Variants in TOMT observed in about 807,000 individuals in gnomAD.
The protein encoded by TOMT is transmembrane O-methyltransferase.
A neutral mutation model predicts 21.7 loss-of-function variants in TOMT; 23 were observed. That is an observed-to-expected ratio of 1.06 (90% CI 0.76 to 1.50). The LOEUF (loss-of-function observed/expected upper bound fraction) is 1.50, where lower values mean the gene tolerates loss of function less well. Ranked by LOEUF, TOMT falls within the 40% of genes most tolerant of loss-of-function variation. The probability of loss-of-function intolerance (pLI) is 0.00; values close to 1 mark genes in which losing one functional copy is unlikely to be tolerated. For missense variants in TOMT, 331 were observed against 348.7 expected (o/e 0.95, Z 0.41); for synonymous variants, 132 against 150.8 (o/e 0.88, Z 0.91).
At chr11:72,107,652 T>G (rs1945816325) in intron 1 of TOMT, 1 of 620,964 alleles carries the variant, frequency 1.6e-6, no homozygotes, top group Non-Finnish European at 2.9e-6. Flanking sequence ...AATGCCAGGC[T>G]GAGAATCCCA....
At chr11:72,107,095 C>T in intron 1 of TOMT, 1 of 278,176 alleles carries the variant, frequency 3.6e-6, no homozygotes, top group Admixed American at 5.4e-5. Context: ...GCAAGACCCC[C>T]GTTTCTACAA....
chr11:72,106,455 G>C (rs547157797), intron 1 of TOMT: 6 of 405,150 alleles, frequency 1.5e-5, no homozygotes, highest in African/African-American at 1.2e-4. Context: ...CCACAGAGAT[G>C]AATGAGCCAC....
At chr11:72,108,963 ACC>A in exon 3 of TOMT, 1 of 1,290,744 alleles carries the variant, frequency 7.7e-7, no homozygotes, top group Non-Finnish European at 9.9e-7. Context: ...GCCCACCCCC[ACC>A]CCCACCCAAG....
At chr11:72,108,539 T>C (rs893886104) in intron 2 of TOMT, 66 bp from the exon 3 acceptor site, 10 of 1,378,390 alleles carry the variant, frequency 7.3e-6, no homozygotes, top group African/African-American at 2.9e-5. Flanking sequence ...AGCCAGATCC[T>C]GGTGGGGTCT....
chr11:72,108,010 T>C (rs976844118), exon 2 of TOMT: 5 of 1,551,732 alleles, frequency 3.2e-6, no homozygotes, highest in South Asian at 2.4e-5. Context: ...ACCCTGCTTA[T>C]TGCCCGAGCC....
chr11:72,106,020 C>T (rs2135186535), exon 1 of TOMT: 1 of 1,551,184 alleles, frequency 6.4e-7, no homozygotes, highest in Non-Finnish European at 8.7e-7. Flanking sequence ...ACCGGCACTA[C>T]TTCCGATTGC....
chr11:72,108,531 C>T (rs919030245), intron 2 of TOMT, 74 bp from the exon 3 acceptor site: 2 of 1,349,960 alleles, frequency 1.5e-6, no homozygotes, highest in African/African-American at 1.5e-5. Flanking sequence ...ATGAAGTAAG[C>T]CAGATCCTGG....
In TOMT at chr11:72,106,093, C is replaced by T. The variant is rs889250759; in HGVS notation, c.142C>T (p.Arg48Trp). Residue 48 changes from arginine to tryptophan, a missense_variant, in exon 1 of 3, where the codon CGG becomes TGG. Transcript: ENST00000541899. ...CCTGTCAGGGCTGCGGATCGAGGAG[C>T]GGGCCTTCAGCTACGTGCTCACCCA... 10 of 1,549,368 alleles carry T rather than the reference C, an allele frequency of 6.5e-6. No homozygotes were observed. The South Asian group carries it at 7.1e-5, about 11-fold the overall frequency.
exon 3 of TOMT, chr11:72,108,624 G>A: frequency 1.3e-6 from 2 of 1,485,712 alleles, no homozygotes; most frequent in African/African-American, 1.4e-5. Context: ...ATCGTGGGCA[G>A]CTCAGAGGAC....
Position 72,107,358 on chromosome 11 carries a change from A to G in TOMT, c.260-565A>G, listed in dbSNP as rs1591190109. The G allele has an allele frequency of 1.8e-5, 12 of 655,446 alleles. No individual in the cohort carries two copies. The East Asian group carries it at 3.3e-4, about 18-fold the overall frequency. The allele number at this position is 655,446 out of a possible 1,614,324, so 40.6% of individuals were successfully genotyped here. A position where few individuals can be genotyped will look rare whatever the true frequency, so the allele number is the denominator to read the frequency against. On this transcript the variant is annotated intron_variant, in intron 1 of 2. Transcript: ENST00000541899. ...GGAATGAAACTACAAATTCTAACAG[A>G]GACCTTTCATAAATCTGAAAGATAG...
At chr11:72,107,933 G>A in exon 2 of TOMT, 1 of 1,551,782 alleles carries the variant, frequency 6.4e-7, no homozygotes, top group Non-Finnish European at 8.7e-7. Context: ...GTCAGATCCT[G>A]ATGCGGCTGG....
intron 1 of TOMT, chr11:72,107,194 G>T: frequency 2.0e-6 from 1 of 498,398 alleles, no homozygotes; most frequent in Non-Finnish European, 3.5e-6. Flanking sequence ...CTGAGCCTGG[G>T]TGGTCAAGGC....
In TOMT at chr11:72,109,057, C is replaced by T. The variant is rs1946055040; in HGVS notation, c.*132C>T. 54 of 762,194 alleles carry T rather than the reference C, an allele frequency of 7.1e-5. 2 individuals carry two copies. In the Middle Eastern group the frequency reaches 1.5e-3, roughly 21 times the overall value. 47.2% of individuals were successfully genotyped at this position (762,194 alleles called of 1,614,324 possible). On this transcript the variant is annotated 3_prime_UTR_variant, in exon 3 of 3. Transcript: ENST00000541899. ...CAGGGCTAGGGAGTCTCTCTTCCCA[C>T]CTCTGACCTCTTTCAGCCTCTACAC... is the stretch of plus-strand genomic sequence containing the variant.
At chr11:72,107,845 T>C (rs1591191577) in intron 1 of TOMT, 78 bp from the exon 2 acceptor site, 4 of 1,487,532 alleles carry the variant, frequency 2.7e-6, no homozygotes, top group Non-Finnish European at 1.8e-6. Flanking sequence ...GTGAGGCAGG[T>C]AGGCATTTGA....
intron 1 of TOMT, chr11:72,107,508 T>C: frequency 2.8e-6 from 2 of 702,982 alleles, no homozygotes; most frequent in Non-Finnish European, 5.2e-6. Flanking sequence ...CATATACACA[T>C]GTGGCATGAA....
exon 1 of TOMT, chr11:72,105,951 C>A: frequency 1.9e-6 from 3 of 1,547,954 alleles, no homozygotes; most frequent in Non-Finnish European, 1.7e-6. Flanking sequence ...AGGTAGGGAC[C>A]ATGTCCCCTG....
intron 1 of TOMT, chr11:72,107,009 TA>T (rs796531743): frequency 1.4e-4 from 23 of 170,182 alleles, no homozygotes; most frequent in African/African-American, 5.3e-4. Flanking sequence ...CTCATGCCTG[TA>T]ATCCCAGCAC....
exon 2 of TOMT, chr11:72,108,046 C>G: frequency 6.4e-7 from 1 of 1,551,310 alleles, no homozygotes; most frequent in Non-Finnish European, 8.7e-7. Context: ...CGCCTTCTTA[C>G]TGTGGAGCGG....
chr11:72,106,048 C>G lies in TOMT; in HGVS notation c.97C>G (p.Leu33Val), dbSNP rs876657864. The G allele has an allele frequency of 1.2e-5, 19 of 1,550,962 alleles. No individual in the cohort carries two copies. Among genetic ancestry groups the G allele is most frequent in the Non-Finnish European group, 1.7e-5 (19 of 1,146,966 alleles). The stretch of plus-strand genomic sequence containing the variant: ...CCGATTGCTGGTGCGCACGGTCTTG[C>G]TGCGAAGCCTCCGAGACTGCCTGTC... The change falls in exon 1 of 3, where the codon CTG (leucine) becomes GTG (valine). Residue 33 changes from leucine to valine, a missense_variant. Transcript: ENST00000541899.
Sources: gnomAD v4.1 joint callset for allele counts on GRCh38, gnomAD v4.1.1 for gene constraint, MANE v1.5 for transcripts, NCBI Gene and HGNC (gene_info 2026-07-23, HGNC 2026-07-21) for gene names.